Variants in MKI67 observed in about 807,000 individuals in gnomAD.
MKI67 encodes the protein marker of proliferation Ki-67, also known as proliferation marker protein Ki-67.
MKI67 carries 152 observed loss-of-function variants against 233.5 expected under a neutral mutation model. The ratio of observed to expected loss-of-function variants is 0.65; its 90% CI spans 0.57 to 0.74. MKI67 has a LOEUF of 0.74. Ranked by LOEUF, MKI67 falls within the 30% of genes least tolerant of loss-of-function variation. The probability of loss-of-function intolerance (pLI) is 0.00; values close to 1 mark genes in which losing one functional copy is unlikely to be tolerated. For synonymous variants in MKI67, 1,465 were observed against 1,418.5 expected, an observed-to-expected ratio of 1.03 and a Z score of -0.74; for missense variants, 3,940 against 3,885.2, an observed-to-expected ratio of 1.01 and a Z score of -0.37.
In MKI67 at chr10:128,096,873, C is replaced by G. The variant is rs1852223576; in HGVS notation, c.*2317G>C. On this transcript the variant is annotated 3_prime_UTR_variant, in exon 15 of 15. Transcript: ENST00000368654. ...CAGGCAAACTAAGAACCTGCCCCAG[C>G]CTGGAGGACAGGCATGGGGGTGAGG... 6.6e-6 allele frequency: 1 copy of G among 152,266 alleles called. No homozygotes were observed. Among genetic ancestry groups the G allele is most frequent in the Non-Finnish European group, 1.5e-5 (1 of 68,120 alleles). 9.4% of individuals were successfully genotyped at this position (152,266 alleles called of 1,614,324 possible).
In MKI67 at chr10:128,112,019, T is replaced by C; in HGVS notation, c.1996A>G (p.Lys666Glu). Residue 666 changes from lysine (K) to glutamate (E), a missense_variant, in exon 10 of 15, where the codon AAA becomes GAA. Coordinates refer to ENST00000368654, the MANE Select transcript of MKI67 (RefSeq NM_002417.5). ...GTTTGTGTTTGTTTTGCACCAAGTT[T>C]TACTACATCTGCCCATGATTTTGCA... ...IVAKSWADVVKLGAKQTQTKV... is the reference protein window; with the variant it reads ...IVAKSWADVVELGAKQTQTKV... 6.2e-7 allele frequency: 1 copy of C among 1,613,210 alleles called. No homozygotes were observed. Among genetic ancestry groups the C allele is most frequent in the Non-Finnish European group, 8.5e-7 (1 of 1,179,800 alleles).
chr10:128,123,727 CA>C (rs1378708574), intron 2 of MKI67, among the ~76,000 whole-genome samples: 1 of 152,134 alleles, frequency 6.6e-6, no homozygotes, highest in Non-Finnish European at 1.5e-5. Context: ...GTAAGCTTTT[CA>C]TTGTTGTTTT....
chr10:128,119,271 T>G lies in MKI67; in HGVS notation c.336A>C (p.Pro112=). The G allele has an allele frequency of 6.2e-7, 1 of 1,608,884 alleles. No homozygotes were observed. The highest frequency in any genetic ancestry group is 8.5e-7 in the Non-Finnish European group (1 of 1,175,452). The change falls in exon 5 of 15, where the codon CCA becomes CCC. Residue 112 remains proline (P), a synonymous_variant. Coordinates refer to ENST00000368654, the MANE Select transcript of MKI67 (RefSeq NM_002417.5). ...LQNGRKSTEF[P]RKIREQEPAR... is the part of the protein sequence containing the mutation. ...CTATCACCTGTTCACGTATTTTTCTTGGAAATTCAGTTGACTTCCTTCCAT... is the reference window on the plus strand; with the variant it reads ...CTATCACCTGTTCACGTATTTTTCTGGGAAATTCAGTTGACTTCCTTCCAT...
At position 128,116,003 on chromosome 10, in the gene MKI67, C is replaced by T. The variant is rs1434833222; in HGVS notation, c.405G>A (p.Glu135=). The T allele has an allele frequency of 6.4e-7, 1 of 1,569,252 alleles. No individual in the cohort carries two copies. The highest frequency in any genetic ancestry group is 8.6e-7 in the Non-Finnish European group (1 of 1,162,722). ...SRSSFSSDPD[E]KAQDSKAYSK... is the part of the protein sequence containing the mutation. Reference sequence around the variant, plus strand: ...AATAGGCCTTGGAATCTTGAGCTTTCTCATCTTGGCAATGAATTATGAAAT... The same window carrying T: ...AATAGGCCTTGGAATCTTGAGCTTTTTCATCTTGGCAATGAATTATGAAAT... The change falls in exon 7 of 15, where the codon GAG becomes GAA. Residue 135 remains glutamate, a synonymous_variant. Coordinates refer to ENST00000368654, the MANE Select transcript of MKI67 (RefSeq NM_002417.5).
At position 128,103,502 on chromosome 10, in the gene MKI67, C is replaced by G. The variant is rs370033414; in HGVS notation, c.8338G>C (p.Val2780Leu). ...CTTGGCCGTCTCCTGCTGCCAGTTACACTTGCTGCTGGAGCCGGTGTCTGT... is the reference window on the plus strand; with the variant it reads ...CTTGGCCGTCTCCTGCTGCCAGTTAGACTTGCTGCTGGAGCCGGTGTCTGT... Reference protein sequence around the residue: ...AKQTPAPAASVTGSRRRPRAP... With the variant: ...AKQTPAPAASLTGSRRRPRAP... Residue 2780 changes from valine to leucine, a missense_variant, in exon 13 of 15, where the codon GTA becomes CTA. By Grantham distance (32) the Val-to-Leu change is conservative (BLOSUM62 1). Transcript: ENST00000368654. 33 of 1,613,834 alleles carry G rather than the reference C, an allele frequency of 2.0e-5. No individual in the cohort carries two copies. The highest frequency in any genetic ancestry group is 2.6e-5 in the Non-Finnish European group (31 of 1,179,886).
intron 12 of MKI67, 93 bp from the exon 13 acceptor site, chr10:128,109,516 A>G: frequency 7.2e-7 from 1 of 1,389,092 alleles, no homozygotes; most frequent in Admixed American, 2.3e-5. Context: ...AAAACTAAAT[A>G]TTTAGCTTCG....
In MKI67 at chr10:128,103,224, G is replaced by T; in HGVS notation, c.8616C>A (p.Asp2872Glu). 6.2e-7 allele frequency: 1 copy of T among 1,613,944 alleles called. No homozygotes were observed. The highest frequency in any genetic ancestry group is 8.5e-7 in the Non-Finnish European group (1 of 1,179,982). ...TQTSGETTHTDKEPVGEGKGT... is the reference protein window; with the variant it reads ...TQTSGETTHTEKEPVGEGKGT... ...CTTTGCCCTCACCTACCGGCTCTTT[G>T]TCGGTGTGCGTGGTCTCCCCTGAGG... Residue 2872 changes from aspartate (D) to glutamate (E), a missense_variant, in exon 13 of 15, where the codon GAC becomes GAA. Physicochemically the swap from Asp to Glu is conservative, Grantham distance 45. Transcript: ENST00000368654.
At position 128,104,203 on chromosome 10, in the gene MKI67, A is replaced by G. The variant is rs775341942; in HGVS notation, c.7637T>C (p.Leu2546Pro). 1 of 1,613,532 alleles carries G rather than the reference A, an allele frequency of 6.2e-7. No individual in the cohort carries two copies. The highest frequency in any genetic ancestry group is 1.1e-5 in the South Asian group (1 of 91,024). ...ACGGGCCTTTTCCTTACGAGTTCTC[A>G]GCTGCCTCCTGCTACCAGTTACACT... The part of the protein sequence containing the change: ...AASVTGSRRQ[L>P]RTRKEKARAL... The change falls in exon 13 of 15, where the codon CTG becomes CCG. Residue 2546 changes from leucine to proline, a missense_variant. Physicochemically the swap from Leu to Pro is moderately conservative, Grantham distance 98 (BLOSUM62 -3). Coordinates refer to ENST00000368654, the MANE Select transcript of MKI67 (RefSeq NM_002417.5).
At position 128,103,234 on chromosome 10, in the gene MKI67, G is replaced by C; in HGVS notation, c.8606C>G (p.Thr2869Arg). 6.2e-7 allele frequency: 1 copy of C among 1,614,070 alleles called. No individual in the cohort carries two copies. The highest frequency in any genetic ancestry group is 8.5e-7 in the Non-Finnish European group (1 of 1,180,024). ...GKLTQTSGET[T>R]HTDKEPVGEG... is the part of the protein sequence containing the mutation. ...ACCTACCGGCTCTTTGTCGGTGTGC[G>C]TGGTCTCCCCTGAGGTTTGTGTGAG... The change falls in exon 13 of 15, where the codon ACG becomes AGG. Residue 2869 changes from threonine (T) to arginine (R), a missense_variant. Physicochemically the swap from Thr to Arg is moderately conservative, Grantham distance 71. Coordinates refer to ENST00000368654, the MANE Select transcript of MKI67 (RefSeq NM_002417.5).
chr10:128,123,182 G>A lies in MKI67; in HGVS notation c.93-13C>T, dbSNP rs766631611. On this transcript the variant is annotated splice_polypyrimidine_tract_variant and intron_variant, in intron 2 of 14. Transcript: ENST00000368654. ...ACATTCAATACCCCTTCATGCAAAA[G>A]AAGAAGGTTTTTTTGGTTGCTGCAA... The A allele has an allele frequency of 9.4e-5, 150 of 1,602,938 alleles. No individual in the cohort carries two copies. Among genetic ancestry groups the A allele is most frequent in the Non-Finnish European group, 1.3e-4 (149 of 1,172,218 alleles).
rs193266380 is a variant in MKI67 at position 128,105,208 on chromosome 10, G to T, written c.6632C>A (p.Thr2211Lys). Residue 2211 changes from threonine (T) to lysine (K), a missense_variant, in exon 13 of 15, where the codon ACG becomes AAG. Physicochemically the swap from Thr to Lys is moderately conservative, Grantham distance 78. Transcript: ENST00000368654. ...FQTPICTDKP[T>K]THEKTTKIAC... The stretch of plus-strand genomic sequence containing the variant: ...TATTTTGGTAGTTTTCTCATGAGTC[G>T]TGGGCTTGTCAGTGCATATTGGTGT... 4.3e-6 allele frequency: 7 copies of T among 1,613,976 alleles called. No individual in the cohort carries two copies. In the Admixed American group the frequency reaches 6.7e-5, roughly 15 times the overall value.
chr10:128,100,028 G>A (rs1022033332), intron 14 of MKI67, among the ~76,000 whole-genome samples: 4 of 152,186 alleles, frequency 2.6e-5, no homozygotes, highest in Non-Finnish European at 5.9e-5. Flanking sequence ...CTGTGAATTC[G>A]GTAAGCGCCT....
chr10:128,104,101 T>C lies in MKI67; in HGVS notation c.7739A>G (p.Lys2580Arg). 1 of 1,614,126 alleles carries C rather than the reference T, an allele frequency of 6.2e-7. No individual in the cohort carries two copies. The highest frequency in any genetic ancestry group is 8.5e-7 in the Non-Finnish European group (1 of 1,180,028). ...GHTEESMTID[K>R]NTKIPCKSPP... is the part of the protein sequence containing the mutation. ...AGATTTGCAGGGAATTTTTGTGTTT[T>C]TGTCAATAGTCATTGACTCTTCAGT... Residue 2580 changes from lysine to arginine, a missense_variant, in exon 13 of 15, where the codon AAA (lysine) becomes AGA (arginine). Lys to Arg is a conservative substitution (Grantham distance 26). Transcript: ENST00000368654.
rs1852365002 is a variant in MKI67, at chr10:128,102,755, T to C, written c.9085A>G (p.Lys3029Glu). 1 of 1,614,126 alleles carries C rather than the reference T, an allele frequency of 6.2e-7. No homozygotes were observed. Among genetic ancestry groups the C allele is most frequent in the Non-Finnish European group, 8.5e-7 (1 of 1,180,056 alleles). Reference protein sequence around the residue: ...EEIVEELPASKKQRVAPRARG... With the variant: ...EEIVEELPASEKQRVAPRARG... ...GCCCTGGGAGCAACCCTCTGCTTCT[T>C]GCTGGCTGGCAGCTCCTCCACAATT... Residue 3029 changes from lysine (K) to glutamate (E), a missense_variant, in exon 13 of 15, where the codon AAG (lysine) becomes GAG (glutamate). Physicochemically the swap from Lys to Glu is moderately conservative, Grantham distance 56. Transcript: ENST00000368654.
intron 4 of MKI67, among the ~76,000 whole-genome samples, chr10:128,121,403 T>C (rs2136150635): frequency 7.0e-6 from 1 of 142,872 alleles, no homozygotes; most frequent in East Asian, 2.0e-4. Flanking sequence ...ATTGTATATA[T>C]ATTGTATATG....
chr10:128,111,836 G>A lies in MKI67; in HGVS notation c.2089-20C>T. Reference sequence around the variant, plus strand: ...AGGCTTCTGTAGAAAACAGGAAGGAGGTAAACAGGACATTAAAGCATAAAT... The same window carrying A: ...AGGCTTCTGTAGAAAACAGGAAGGAAGTAAACAGGACATTAAAGCATAAAT... On this transcript the variant is annotated intron_variant, in intron 10 of 14. Coordinates refer to ENST00000368654, the MANE Select transcript of MKI67 (RefSeq NM_002417.5). 5 of 1,611,738 alleles carry A rather than the reference G, an allele frequency of 3.1e-6. No homozygotes were observed. The highest frequency in any genetic ancestry group is 1.3e-5 in the African/African-American group (1 of 74,854).
chr10:128,116,148 A>G (rs1852802938), intron 6 of MKI67, 141 bp from the exon 7 acceptor site: 1 of 922,604 alleles, frequency 1.1e-6, no homozygotes, highest in South Asian at 1.7e-5. Flanking sequence ...TAATGCCTAA[A>G]ACTTGCAAGT....
chr10:128,108,816 C>T lies in MKI67; in HGVS notation c.3024G>A (p.Gln1008=), dbSNP rs932253868. 3 of 1,614,042 alleles carry T rather than the reference C, an allele frequency of 1.9e-6. No homozygotes were observed. The African/African-American group carries it at 4.0e-5, about 22-fold the overall frequency. The change falls in exon 13 of 15, where the codon CAG becomes CAA. Residue 1008 remains glutamine, a synonymous_variant. Coordinates refer to ENST00000368654, the MANE Select transcript of MKI67 (RefSeq NM_002417.5). ...TGTTTATTGGTTCTGGTTGTAATGA[C>T]TGGCAGGGCATTTTAGTGATTTTGC... ...EKGKITKMPC[Q]SLQPEPINTP...
rs754531743 is a variant in MKI67, at chr10:128,125,803, G to A, written c.-89-47C>T. ...CTCTGATAGCAAAGGAGCTAAGAAG[G>A]GCCCCGTGCCCAATTCACCTATCCC... On this transcript the variant is annotated intron_variant, in intron 1 of 14. Transcript: ENST00000368654. This position sits in a 1 kb window ranked among gnomAD's most constrained non-coding sequence, Gnocchi z 5.3. 9 of 762,228 alleles carry A rather than the reference G, an allele frequency of 1.2e-5. No homozygotes were observed. The highest frequency in any genetic ancestry group is 7.3e-5 in the South Asian group (5 of 68,180). The allele number at this position is 762,228 out of a possible 1,614,324, so 47.2% of individuals were successfully genotyped here.
Sources: gnomAD v4.1 joint callset for allele counts (sites outside exome capture counted in the v4.1 genomes callset) on GRCh38, gnomAD v4.1.1 for gene constraint, Gnocchi (gnomAD v3.1) non-coding constraint, MANE v1.5 for transcripts, NCBI Gene and HGNC (gene_info 2026-07-23, HGNC 2026-07-21) for gene names.